NR1H4: variants seen among roughly 807,000 people sequenced by gnomAD.
NR1H4 encodes the protein nuclear receptor subfamily 1 group H member 4.
NR1H4 carries 23 observed loss-of-function variants against 58.5 expected under a neutral mutation model. The ratio of observed to expected loss-of-function variants is 0.39; its 90% CI spans 0.28 to 0.56. NR1H4 has a LOEUF of 0.56. NR1H4 is among the 20% of genes least tolerant of loss of function. The probability of loss-of-function intolerance (pLI) is 0.58; values close to 1 mark genes in which losing one functional copy is unlikely to be tolerated. For missense variants in NR1H4, 487 were observed against 576.9 expected (o/e 0.84, Z 1.60); for synonymous variants, 214 against 198.0 (o/e 1.08, Z -0.68).
chr12:100,493,247 CA>C (rs1322203952), intron 2 of NR1H4, 22 bp from the exon 3 acceptor site: 16 of 770,592 alleles, frequency 2.1e-5, no homozygotes, highest in East Asian at 7.9e-5. Context: ...CCCACAGTCA[CA>C]AACTATTTAT....
intron 1 of NR1H4, among the ~76,000 whole-genome samples, chr12:100,480,952 A>G (rs1392143224): frequency 6.6e-6 from 1 of 152,188 alleles, no homozygotes; most frequent in East Asian, 1.9e-4. Context: ...AGATTTTTAA[A>G]TCTGAGATAT....
At chr12:100,492,280 A>G (rs1422795497) in intron 1 of NR1H4, among the ~76,000 whole-genome samples, 1 of 152,192 alleles carries the variant, frequency 6.6e-6, no homozygotes, top group African/African-American at 2.4e-5. Context: ...GATACGAATA[A>G]TGGGGAAATC....
At chr12:100,555,859 A>G (rs1366198748) in intron 9 of NR1H4, among the ~76,000 whole-genome samples, 1 of 152,188 alleles carries the variant, frequency 6.6e-6, no homozygotes, top group East Asian at 1.9e-4. Flanking sequence ...GGTATTCTCC[A>G]GGCTCACATT....
chr12:100,517,790 G>A (rs1054353657), intron 4 of NR1H4, among the ~76,000 whole-genome samples: 4 of 152,094 alleles, frequency 2.6e-5, no homozygotes, highest in Non-Finnish European at 4.4e-5. Flanking sequence ...AGTGCCTTAT[G>A]CCCATTTTAT....
chr12:100,474,817 A>G (rs990856982), intron 1 of NR1H4, among the ~76,000 whole-genome samples: 11 of 152,056 alleles, frequency 7.2e-5, no homozygotes, highest in African/African-American at 2.4e-4. Flanking sequence ...ATGACAAGTG[A>G]CTCACCTTGA....
intron 4 of NR1H4, among the ~76,000 whole-genome samples, chr12:100,515,640 T>G (rs973106847): frequency 2.6e-5 from 4 of 152,166 alleles, no homozygotes; most frequent in Admixed American, 6.5e-5. Context: ...AAAAATAAAT[T>G]TAATATGTGT....
At chr12:100,476,932 G>A (rs1472365615) in intron 1 of NR1H4, among the ~76,000 whole-genome samples, 1 of 151,988 alleles carries the variant, frequency 6.6e-6, no homozygotes, top group Admixed American at 6.6e-5. Context: ...TTTCCTCCCA[G>A]GTATTTTTTT....
At chr12:100,511,906 G>A (rs1373429478) in intron 4 of NR1H4, among the ~76,000 whole-genome samples, 1 of 148,550 alleles carries the variant, frequency 6.7e-6, no homozygotes, top group Non-Finnish European at 1.5e-5. Flanking sequence ...TGGGCAACAA[G>A]AGCGAAAATC....
chr12:100,475,976 C>T (rs906671802), intron 1 of NR1H4, among the ~76,000 whole-genome samples: 2 of 152,102 alleles, frequency 1.3e-5, no homozygotes, highest in Non-Finnish European at 2.9e-5. Flanking sequence ...TCAGGTGATC[C>T]GCCCGCCTCG....
intron 9 of NR1H4, among the ~76,000 whole-genome samples, chr12:100,545,650 A>AC (rs1955045033): frequency 1.4e-5 from 2 of 145,712 alleles, no homozygotes; most frequent in African/African-American, 2.6e-5. Flanking sequence ...TCAAAAAAAA[A>AC]AAAAAAAAAA....
intron 9 of NR1H4, among the ~76,000 whole-genome samples, chr12:100,555,209 TC>T (rs1190880993): frequency 6.6e-6 from 1 of 152,216 alleles, no homozygotes; most frequent in Non-Finnish European, 1.5e-5. Context: ...GTCTTGAATA[TC>T]CCTAAATCTT....
intron 1 of NR1H4, among the ~76,000 whole-genome samples, chr12:100,482,318 C>G (rs900024460): frequency 1.3e-5 from 2 of 152,012 alleles, no homozygotes; most frequent in Non-Finnish European, 2.9e-5. Flanking sequence ...AATCCTTCTT[C>G]GGCTCTTGTG....
At chr12:100,477,299 T>G (rs2136060004) in intron 1 of NR1H4, among the ~76,000 whole-genome samples, 1 of 152,270 alleles carries the variant, frequency 6.6e-6, no homozygotes, top group Non-Finnish European at 1.5e-5. Flanking sequence ...GATTTATTCT[T>G]TGTTAGGATT....
intron 1 of NR1H4, among the ~76,000 whole-genome samples, chr12:100,486,243 G>A (rs544053980): frequency 6.6e-6 from 1 of 152,208 alleles, no homozygotes; most frequent in African/African-American, 2.4e-5. Context: ...CTAGACCAAA[G>A]CTATTATTTC....
intron 1 of NR1H4, among the ~76,000 whole-genome samples, chr12:100,474,272 C>A (rs888517511): frequency 6.6e-6 from 1 of 152,160 alleles, no homozygotes; most frequent in African/African-American, 2.4e-5. Flanking sequence ...TTAACAGTTG[C>A]TTACCTATTG....
intron 4 of NR1H4, among the ~76,000 whole-genome samples, chr12:100,513,226 T>C (rs760910821): frequency 1.3e-5 from 2 of 152,200 alleles, no homozygotes; most frequent in Non-Finnish European, 2.9e-5. Flanking sequence ...ACATAGTAAA[T>C]ATGGAATGTC....
intron 1 of NR1H4, among the ~76,000 whole-genome samples, chr12:100,476,000 CTAGGATTACAGGCG>C (rs1388877820): frequency 1.3e-5 from 2 of 152,112 alleles, no homozygotes; most frequent in African/African-American, 4.8e-5. Flanking sequence ...TCCCAGAGTG[CTAGGATTACAGGCG>C]TGAGCCACTG....
intron 4 of NR1H4, among the ~76,000 whole-genome samples, chr12:100,513,755 A>T (rs1954185326): frequency 6.6e-6 from 1 of 151,382 alleles, no homozygotes; most frequent in African/African-American, 2.4e-5. Context: ...AGATTGTGCC[A>T]TTGCACTCCA....
rs772742430 is a variant in NR1H4 at position 100,562,008 on chromosome 12, A to G, written c.1192+10A>G. On this transcript the variant is annotated intron_variant, in intron 10 of 10. Coordinates refer to ENST00000392986, the MANE Select transcript of NR1H4 (RefSeq NM_001206979.2). ...GTTATCCTGTCTCCAGGTAATTCCAATGTTACATTTTAATTTTTATGCCAT... is the reference window on the plus strand; with the variant it reads ...GTTATCCTGTCTCCAGGTAATTCCAGTGTTACATTTTAATTTTTATGCCAT... 2 of 1,275,382 alleles carry G rather than the reference A, an allele frequency of 1.6e-6. No individual in the cohort carries two copies. The highest frequency in any genetic ancestry group is 1.2e-5 in the South Asian group (1 of 84,030). The allele number at this position is 1,275,382 out of a possible 1,614,324, so 79.0% of individuals were successfully genotyped here.
Sources: allele counts gnomAD v4.1 joint callset (sites outside exome capture counted in the v4.1 genomes callset), GRCh38; gene constraint gnomAD v4.1.1; transcripts MANE v1.5; gene names NCBI Gene and HGNC (gene_info 2026-07-23, HGNC 2026-07-21).